Variants in RIPOR2 observed in about 807,000 individuals in gnomAD.
The protein encoded by RIPOR2 is RHO family interacting cell polarization regulator 2, also known as rho family-interacting cell polarization regulator 2.
Under a neutral mutation model 114.5 loss-of-function variants are expected in RIPOR2, and 39 were observed. The observed-to-expected ratio is 0.34, with a 90% CI of 0.26 to 0.44. RIPOR2 has a LOEUF of 0.44. RIPOR2 is among the 20% of genes least tolerant of loss of function. The probability of loss-of-function intolerance (pLI) is 1.00; values close to 1 mark genes in which losing one functional copy is unlikely to be tolerated. For missense variants in RIPOR2, 1,007 were observed against 1,255.1 expected (o/e 0.80, Z 2.99); for synonymous variants, 445 against 484.4 (o/e 0.92, Z 1.07).
chr6:24,917,122 T>A (rs1032346974), intron 1 of RIPOR2, among the ~76,000 whole-genome samples: 2 of 152,006 alleles, frequency 1.3e-5, no homozygotes, highest in Non-Finnish European at 2.9e-5. Context: ...GGCCAACAGT[T>A]CCCCCGGCCC....
At chr6:24,824,471 G>T (rs1156472756) in intron 19 of RIPOR2, among the ~76,000 whole-genome samples, 2 of 152,212 alleles carry the variant, frequency 1.3e-5, no homozygotes, top group Non-Finnish European at 2.9e-5. Context: ...TTCTTGAGCT[G>T]ATCTGGATTT....
At chr6:24,893,076 A>G (rs1767534939) in intron 1 of RIPOR2, among the ~76,000 whole-genome samples, 1 of 152,200 alleles carries the variant, frequency 6.6e-6, no homozygotes, top group Admixed American at 6.5e-5. Context: ...CTTGAGATGC[A>G]GTGGAAGCAG....
chr6:24,888,787 A>G (rs538945193), intron 1 of RIPOR2, among the ~76,000 whole-genome samples: 2 of 152,358 alleles, frequency 1.3e-5, no homozygotes, highest in South Asian at 2.1e-4. Flanking sequence ...CATATGGCCA[A>G]TTAATTTCTT....
rs781767515 is a variant in RIPOR2 at position 24,839,261 on chromosome 6, T to C, written c.1869A>G (p.Ala623=). ...NLDDILKCKP[A]VSRSRSSSLS... is the part of the protein sequence containing the mutation. ...AACTGGAAGACCTGCTGCGGCTTAC[T>C]GCTGGCTTGCACTGTAAAGGCAGAA... The change falls in exon 14 of 22, where the codon GCA becomes GCG. Residue 623 remains alanine (A), a synonymous_variant. Transcript: ENST00000643898. The C allele has an allele frequency of 3.9e-6, 6 of 1,551,806 alleles. No individual in the cohort carries two copies. Among genetic ancestry groups the C allele is most frequent in the Non-Finnish European group, 5.2e-6 (6 of 1,146,956 alleles).
At chr6:25,012,955 G>A (rs1775832075) in intron 1 of RIPOR2, among the ~76,000 whole-genome samples, 2 of 151,668 alleles carry the variant, frequency 1.3e-5, no homozygotes, top group South Asian at 4.2e-4. Flanking sequence ...CGGAGGGGAT[G>A]GGGGGCCAGG....
intron 20 of RIPOR2, among the ~76,000 whole-genome samples, chr6:24,818,302 G>A (rs1759357166): frequency 6.6e-6 from 1 of 152,058 alleles, no homozygotes; most frequent in Non-Finnish European, 1.5e-5. Context: ...AAGGCAAACT[G>A]GTTCCCTTGG....
chr6:25,018,480 GT>G (rs1776128790), intron 1 of RIPOR2, among the ~76,000 whole-genome samples: 1 of 152,052 alleles, frequency 6.6e-6, no homozygotes, highest in Non-Finnish European at 1.5e-5. Flanking sequence ...AAAAGCAGAT[GT>G]TTTTTCTATA....
chr6:24,976,062 C>T lies in RIPOR2; in HGVS notation c.76+65789G>A, dbSNP rs575396722. Among the ~76,000 whole-genome samples, 43 of 152,048 alleles carry T rather than the reference C, an allele frequency of 2.8e-4. No individual in the cohort carries two copies. The South Asian group carries it at 4.4e-3, about 15-fold the overall frequency. On this transcript the variant is annotated intron_variant, in intron 1 of 13. Coordinates refer to the RIPOR2 transcript ENST00000510784. ...TTATTAACACCTAAAGAAATGCTAG[C>T]GGAAAGGTTAACTGGTTCAGCCTTT...
At position 25,038,226 on chromosome 6, in the gene RIPOR2, A is replaced by G. The variant is rs191739747; in HGVS notation, c.76+3625T>C. 1.4e-4 allele frequency among the ~76,000 whole-genome samples: 21 copies of G among 152,374 alleles called. No homozygotes were observed. The East Asian group carries it at 3.7e-3, about 27-fold the overall frequency. On this transcript the variant is annotated intron_variant, in intron 1 of 13. Coordinates refer to the RIPOR2 transcript ENST00000510784. Reference sequence around the variant, plus strand: ...TCCAGTAGCTCAAAATCGAAGTTCTATTGCAAAGATGACAATTAGGTTTTG... The same window carrying G: ...TCCAGTAGCTCAAAATCGAAGTTCTGTTGCAAAGATGACAATTAGGTTTTG...
chr6:24,824,385 C>G (rs1188356334), intron 19 of RIPOR2, among the ~76,000 whole-genome samples: 1 of 152,188 alleles, frequency 6.6e-6, no homozygotes, highest in African/African-American at 2.4e-5. Flanking sequence ...TTAGCTTAGG[C>G]AGTGCCTTAG....
At chr6:24,951,630 G>C (rs947683702) in intron 1 of RIPOR2, among the ~76,000 whole-genome samples, 5 of 152,058 alleles carry the variant, frequency 3.3e-5, no homozygotes, top group Non-Finnish European at 7.4e-5. Context: ...GTTTACATGC[G>C]CTAAAAGAAA....
intron 4 of RIPOR2, 48 bp from the exon 5 acceptor site, chr6:24,870,937 G>C: frequency 7.7e-7 from 1 of 1,295,428 alleles, no homozygotes; most frequent in Non-Finnish European, 1.1e-6. Context: ...TCCTTCAAAA[G>C]GTTACCCATC....
chr6:24,944,970 C>T (rs1772333890), intron 1 of RIPOR2, among the ~76,000 whole-genome samples: 1 of 151,696 alleles, frequency 6.6e-6, no homozygotes, highest in Non-Finnish European at 1.5e-5. Context: ...TTATAGTTGA[C>T]AGTAATTTAT....
At chr6:25,038,520 G>T (rs1214673664) in intron 1 of RIPOR2, among the ~76,000 whole-genome samples, 3 of 152,364 alleles carry the variant, frequency 2.0e-5, no homozygotes, top group East Asian at 1.9e-4. Context: ...AAAGACCCTT[G>T]TTGGCCTTGA....
At chr6:25,027,828 A>G (rs932326206) in intron 1 of RIPOR2, among the ~76,000 whole-genome samples, 2 of 152,230 alleles carry the variant, frequency 1.3e-5, no homozygotes, top group East Asian at 1.9e-4. Flanking sequence ...TCCGTGGGTC[A>G]GGGCATCACC....
intron 1 of RIPOR2, among the ~76,000 whole-genome samples, chr6:25,011,936 G>A (rs1775789117): frequency 6.6e-6 from 1 of 152,212 alleles, no homozygotes; most frequent in African/African-American, 2.4e-5. Context: ...GTAAGAAAAT[G>A]AGGAGAAAAT....
intron 1 of RIPOR2, among the ~76,000 whole-genome samples, chr6:24,964,377 T>C (rs1239321599): frequency 6.6e-6 from 1 of 152,240 alleles, no homozygotes; most frequent in Non-Finnish European, 1.5e-5. Flanking sequence ...AAATGTATAA[T>C]TGAACCCATA....
chr6:24,878,577 A>G (rs774481191), intron 1 of RIPOR2, among the ~76,000 whole-genome samples: 5 of 152,110 alleles, frequency 3.3e-5, no homozygotes, highest in Non-Finnish European at 5.9e-5. Context: ...TTTCAAGCCA[A>G]TTTTCCCCCC....
intron 1 of RIPOR2, among the ~76,000 whole-genome samples, chr6:24,947,432 C>T (rs1738404703): frequency 6.6e-6 from 1 of 152,158 alleles, no homozygotes; most frequent in Admixed American, 6.5e-5. Context: ...AATGTACCTT[C>T]CTACTTTAAT....
Sources: gnomAD v4.1 joint callset for allele counts (sites outside exome capture counted in the v4.1 genomes callset) on GRCh38, gnomAD v4.1.1 for gene constraint, MANE v1.5 for transcripts, NCBI Gene and HGNC (gene_info 2026-07-23, HGNC 2026-07-21) for gene names.